The following GPC6 variants were observed in gnomAD, a reference collection of about 807,000 sequenced individuals.
GPC6 encodes the protein glypican 6, also known as glypican-6.
GPC6 carries 14 observed loss-of-function variants against 55.2 expected under a neutral mutation model. The ratio of observed to expected loss-of-function variants is 0.25; its 90% CI spans 0.17 to 0.40. GPC6 has a LOEUF of 0.40. Ranked by LOEUF, GPC6 falls within the 10% of genes least tolerant of loss-of-function variation. The pLI, the probability that GPC6 is intolerant of heterozygous loss-of-function variation, is 1.00. For synonymous variants in GPC6, 278 were observed against 259.6 expected, an observed-to-expected ratio of 1.07 and a Z score of -0.68; for missense variants, 641 against 708.5, an observed-to-expected ratio of 0.90 and a Z score of 1.08.
chr13:94,158,711 A>G (rs1888046567), intron 4 of GPC6, among the ~76,000 whole-genome samples: 1 of 152,160 alleles, frequency 6.6e-6, no homozygotes, highest in Admixed American at 6.6e-5. Context: ...AAATTTTACC[A>G]CTTCGTATCT....
At chr13:94,050,021 C>T (rs1198091872) in intron 4 of GPC6, among the ~76,000 whole-genome samples, 2 of 152,048 alleles carry the variant, frequency 1.3e-5, no homozygotes, top group African/African-American at 4.8e-5. Context: ...TAAGATGTGC[C>T]TTTCACCTTC....
chr13:94,133,267 CAAAA>C (rs66499161), intron 4 of GPC6, among the ~76,000 whole-genome samples: 2 of 85,098 alleles, frequency 2.4e-5, no homozygotes, highest in African/African-American at 5.0e-5. Context: ...TGACCAGTGA[CAAAA>C]AAAAAAAAAA....
chr13:94,086,999 C>T (rs892529267), intron 4 of GPC6, among the ~76,000 whole-genome samples: 7 of 152,028 alleles, frequency 4.6e-5, no homozygotes, highest in East Asian at 1.9e-4. Flanking sequence ...TTATGTGAGG[C>T]GCTGTGGAAA....
chr13:94,163,040 T>C (rs563189610), intron 4 of GPC6, among the ~76,000 whole-genome samples: 1 of 152,316 alleles, frequency 6.6e-6, no homozygotes, highest in Admixed American at 6.5e-5. Context: ...TTAAAACCTT[T>C]TATTTTCTTC....
At chr13:94,305,139 G>GATTGCAATCAATT (rs1875875049) in intron 5 of GPC6, among the ~76,000 whole-genome samples, 1 of 152,114 alleles carries the variant, frequency 6.6e-6, no homozygotes, top group Non-Finnish European at 1.5e-5. Context: ...CCTATTTTTA[G>GATTGCAATCAATT]TACAGTTGAT....
At chr13:94,357,931 A>G (rs1292774751) in intron 6 of GPC6, among the ~76,000 whole-genome samples, 3 of 152,218 alleles carry the variant, frequency 2.0e-5, no homozygotes, top group Non-Finnish European at 4.4e-5. Context: ...CCCAATGCCT[A>G]ATGCGGTATC....
At chr13:93,909,689 T>C (rs1345620358) in intron 3 of GPC6, among the ~76,000 whole-genome samples, 4 of 149,770 alleles carry the variant, frequency 2.7e-5, no homozygotes, top group African/African-American at 9.8e-5. Flanking sequence ...GGTACTCAGA[T>C]ATATTGAATG....
intron 2 of GPC6, among the ~76,000 whole-genome samples, chr13:93,577,953 C>A (rs1876743780): frequency 6.6e-6 from 1 of 152,006 alleles, no homozygotes. Context: ...TTTTCAGCAT[C>A]AATTGAAATA....
At chr13:93,396,730 A>G (rs1041490704) in intron 1 of GPC6, among the ~76,000 whole-genome samples, 4 of 152,200 alleles carry the variant, frequency 2.6e-5, no homozygotes, top group African/African-American at 9.6e-5. Context: ...AATGGAAATA[A>G]TATGATTGCT....
chr13:93,889,051 C>T (rs113749282), intron 3 of GPC6, among the ~76,000 whole-genome samples: 1,968 of 152,216 alleles, frequency 0.013, 40 homozygotes, highest in African/African-American at 0.045. Flanking sequence ...ATTAAAATGA[C>T]ATCAAATAAA....
At chr13:93,335,222 T>G (rs1396195865) in intron 1 of GPC6, among the ~76,000 whole-genome samples, 1 of 152,256 alleles carries the variant, frequency 6.6e-6, no homozygotes, top group Non-Finnish European at 1.5e-5. Context: ...TAAAAATACC[T>G]GTTACGTTAT....
At chr13:93,438,288 A>G (rs1877650021) in intron 1 of GPC6, among the ~76,000 whole-genome samples, 1 of 152,162 alleles carries the variant, frequency 6.6e-6, no homozygotes, top group Admixed American at 6.6e-5. Flanking sequence ...TTCAAATCTT[A>G]TTATTTTAGA....
chr13:94,167,746 C>A (rs1888415901), intron 4 of GPC6, among the ~76,000 whole-genome samples: 1 of 151,876 alleles, frequency 6.6e-6, no homozygotes, highest in Non-Finnish European at 1.5e-5. Flanking sequence ...AGCAAAATAG[C>A]GGGTATGAGG....
chr13:93,369,844 T>C (rs1394144079), intron 1 of GPC6, among the ~76,000 whole-genome samples: 1 of 152,178 alleles, frequency 6.6e-6, no homozygotes, highest in Non-Finnish European at 1.5e-5. Context: ...AAATTATCAT[T>C]ATTAAATTCA....
At chr13:94,271,479 A>T (rs1892023653) in intron 4 of GPC6, among the ~76,000 whole-genome samples, 1 of 151,812 alleles carries the variant, frequency 6.6e-6, no homozygotes, top group Non-Finnish European at 1.5e-5. Flanking sequence ...AGGCAAATTC[A>T]CTAATGTTAT....
At chr13:94,095,748 G>C (rs1196923199) in intron 4 of GPC6, among the ~76,000 whole-genome samples, 3 of 152,112 alleles carry the variant, frequency 2.0e-5, no homozygotes, top group Non-Finnish European at 2.9e-5. Flanking sequence ...TAGATGGAGG[G>C]GGAGAAATTG....
intron 1 of GPC6, among the ~76,000 whole-genome samples, chr13:93,313,944 CA>C (rs1242133793): frequency 6.6e-6 from 1 of 152,122 alleles, no homozygotes; most frequent in Admixed American, 6.6e-5. Flanking sequence ...GTATCAGGCA[CA>C]TATGTTTTCT....
At chr13:94,351,234 A>C (rs1878524743) in intron 6 of GPC6, among the ~76,000 whole-genome samples, 1 of 152,202 alleles carries the variant, frequency 6.6e-6, no homozygotes, top group Non-Finnish European at 1.5e-5. Context: ...GGAAAAGTGT[A>C]TATCGGTGGC....
At chr13:93,286,253 T>G (rs1395783555) in intron 1 of GPC6, among the ~76,000 whole-genome samples, 1 of 152,124 alleles carries the variant, frequency 6.6e-6, no homozygotes, top group African/African-American at 2.4e-5. Flanking sequence ...GAGAACTAAC[T>G]CACTATCACA....
Sources: gnomAD v4.1 joint callset for allele counts (sites outside exome capture counted in the v4.1 genomes callset) on GRCh38, gnomAD v4.1.1 for gene constraint, MANE v1.5 for transcripts, NCBI Gene and HGNC (gene_info 2026-07-23, HGNC 2026-07-21) for gene names.